ELAVL2: variants seen among roughly 807,000 people sequenced by gnomAD.
ELAVL2 encodes the protein ELAV-like protein 2.
Under a neutral mutation model 34.6 loss-of-function variants are expected in ELAVL2, and 4 were observed. The observed-to-expected ratio is 0.12, with a 90% CI of 0.06 to 0.26. ELAVL2 has a LOEUF of 0.26. ELAVL2 is among the 10% of genes least tolerant of loss of function. ELAVL2 has a pLI of 1.00. For missense variants in ELAVL2, 432 were observed against 442.8 expected (o/e 0.98, Z 0.22); for synonymous variants, 193 against 154.8 (o/e 1.25, Z -1.83).
intron 1 of ELAVL2, among the ~76,000 whole-genome samples, chr9:23,786,054 TGA>T (rs2059639275): frequency 6.6e-6 from 1 of 152,292 alleles, no homozygotes; most frequent in East Asian, 1.9e-4. Context: ...TAGCTGAACT[TGA>T]GAGACTTCTA....
intron 1 of ELAVL2, among the ~76,000 whole-genome samples, chr9:23,765,353 T>A (rs922564854): frequency 3.3e-5 from 5 of 152,168 alleles, no homozygotes; most frequent in Non-Finnish European, 7.3e-5. Flanking sequence ...TGGCATCTAT[T>A]CTGAAGAACT....
upstream of ELAVL2, among the ~76,000 whole-genome samples, chr9:23,827,120 G>C (rs772306665): frequency 3.8e-4 from 58 of 152,290 alleles, no homozygotes; most frequent in Admixed American, 3.3e-4. Flanking sequence ...TTCTCAAAAA[G>C]AGCAGCTGTA....
At chr9:23,792,142 T>C (rs1165817802) in intron 1 of ELAVL2, among the ~76,000 whole-genome samples, 1 of 152,192 alleles carries the variant, frequency 6.6e-6, no homozygotes, top group Non-Finnish European at 1.5e-5. Context: ...ATTCAACACT[T>C]TTATTATAAA....
At chr9:23,808,717 T>A (rs1032775097) in intron 1 of ELAVL2, among the ~76,000 whole-genome samples, 1 of 152,152 alleles carries the variant, frequency 6.6e-6, no homozygotes, top group East Asian at 1.9e-4. Context: ...TGTCATCAAA[T>A]TGCCACATTT....
chr9:23,765,862 C>T (rs945129856), intron 1 of ELAVL2, among the ~76,000 whole-genome samples: 5 of 152,094 alleles, frequency 3.3e-5, no homozygotes, highest in Admixed American at 6.6e-5. Context: ...AAACCCAGCA[C>T]GATTTGAAAT....
chr9:23,767,845 G>A (rs549963404), intron 1 of ELAVL2, among the ~76,000 whole-genome samples: 1 of 152,200 alleles, frequency 6.6e-6, no homozygotes, highest in Admixed American at 6.5e-5. Context: ...ATAATGTTGC[G>A]AGGAGGGAAA....
In ELAVL2 at chr9:23,690,693, T is replaced by C. The variant is rs2032891731; in HGVS notation, c.*1864A>G. On this transcript the variant is annotated 3_prime_UTR_variant, in exon 7 of 7. Transcript: ENST00000397312. ...GCAAAGATAATGTACAACTATGTTA[T>C]GCATAGCACATTGCCTGTTCTAAGG... is the stretch of plus-strand genomic sequence containing the variant. The C allele has an allele frequency of 6.6e-6, 1 of 152,588 alleles. No homozygotes were observed. The highest frequency in any genetic ancestry group is 1.5e-5 in the Non-Finnish European group (1 of 68,008). The allele number at this position is 152,588 out of a possible 1,614,324, so 9.5% of individuals were successfully genotyped here.
At chr9:23,724,307 C>T (rs929114354) in intron 3 of ELAVL2, among the ~76,000 whole-genome samples, 47 of 152,244 alleles carry the variant, frequency 3.1e-4, no homozygotes, top group African/African-American at 1.1e-3. Flanking sequence ...TCTGCCTCTG[C>T]TCCAACAACT....
At chr9:23,754,965 A>C (rs1399335493) in intron 2 of ELAVL2, among the ~76,000 whole-genome samples, 3 of 152,154 alleles carry the variant, frequency 2.0e-5, no homozygotes, top group Non-Finnish European at 4.4e-5. Context: ...GTTCTGTATA[A>C]ACCAACCTTG....
the ELAVL2 span, among the ~76,000 whole-genome samples, chr9:23,840,234 C>A: frequency 8.5e-5 from 13 of 152,160 alleles, no homozygotes; most frequent in Non-Finnish European, 1.5e-4. Flanking sequence ...GGCACAGAGT[C>A]AATCTTCATT....
At chr9:23,725,253 T>C (rs1024648481) in intron 3 of ELAVL2, among the ~76,000 whole-genome samples, 2 of 152,138 alleles carry the variant, frequency 1.3e-5, no homozygotes, top group Non-Finnish European at 2.9e-5. Flanking sequence ...TTCACATACA[T>C]GCGCACCCAG....
At chr9:23,702,951 CAAAAAAAAAAAAAAAAAAAAA>C in intron 4 of ELAVL2, among the ~76,000 whole-genome samples, 1 of 47,650 alleles carries the variant, frequency 2.1e-5, no homozygotes, top group South Asian at 1.8e-3. Flanking sequence ...ATCAGATTAG[CAAAAAAAAAAAAAAAAAAAAA>C]AAAAAAAAAC....
chr9:23,731,885 C>G (rs916071404), intron 2 of ELAVL2, among the ~76,000 whole-genome samples: 4 of 152,202 alleles, frequency 2.6e-5, no homozygotes, highest in Admixed American at 6.6e-5. Flanking sequence ...TGCCACCCTC[C>G]CCCCATCATC....
At chr9:23,840,021 AGTTCAG>A in the ELAVL2 span, among the ~76,000 whole-genome samples, 3 of 152,132 alleles carry the variant, frequency 2.0e-5, no homozygotes, top group Non-Finnish European at 4.4e-5. Flanking sequence ...AGGCCTTTCA[AGTTCAG>A]GGTTGTCTTG....
At chr9:23,718,670 G>T (rs1207243039) in intron 3 of ELAVL2, among the ~76,000 whole-genome samples, 2 of 152,166 alleles carry the variant, frequency 1.3e-5, no homozygotes, top group Non-Finnish European at 2.9e-5. Context: ...TATTTTGTGG[G>T]GCTGACATAA....
chr9:23,693,427 A>C, intron 6 of ELAVL2, 21 bp downstream of exon 6: 2 of 1,613,880 alleles, frequency 1.2e-6, no homozygotes, highest in Non-Finnish European at 1.7e-6. Context: ...GATTATGAGT[A>C]TCATGAACCT....
chr9:23,699,332 C>A (rs908574328), intron 5 of ELAVL2, among the ~76,000 whole-genome samples: 1 of 152,148 alleles, frequency 6.6e-6, no homozygotes, highest in African/African-American at 2.4e-5. Flanking sequence ...ATCCTGTCTT[C>A]TCAATCTTCC....
the ELAVL2 span, among the ~76,000 whole-genome samples, chr9:23,838,524 T>C: frequency 6.6e-6 from 1 of 152,140 alleles, no homozygotes; most frequent in African/African-American, 2.4e-5. Flanking sequence ...GACAAAAATC[T>C]CAGAAATTGC....
chr9:23,758,712 C>T (rs947634459), intron 2 of ELAVL2, among the ~76,000 whole-genome samples: 1 of 152,088 alleles, frequency 6.6e-6, no homozygotes, highest in Non-Finnish European at 1.5e-5. Context: ...TCACTCTTCC[C>T]ACAGTCCCCA....
Sources: gnomAD v4.1 joint callset for allele counts (sites outside exome capture counted in the v4.1 genomes callset) on GRCh38, gnomAD v4.1.1 for gene constraint, MANE v1.5 for transcripts, NCBI Gene and HGNC (gene_info 2026-07-23, HGNC 2026-07-21) for gene names.